The following DPH6 variants were observed in gnomAD, a reference collection of about 807,000 sequenced individuals.
DPH6 encodes diphthine--ammonia ligase.
Under a neutral mutation model 38.2 loss-of-function variants are expected in DPH6, and 33 were observed. The observed-to-expected ratio is 0.86, with a 90% CI of 0.65 to 1.15. DPH6 has a LOEUF of 1.15. Among genes scored for constraint, DPH6 ranks in the 50% most tolerant of loss-of-function variants. The pLI, the probability that DPH6 is intolerant of heterozygous loss-of-function variation, is 0.00. For synonymous variants in DPH6, 108 were observed against 103.0 expected (o/e 1.05, Z -0.30); for missense variants, 325 against 320.0 (o/e 1.02, Z -0.12).
At chr15:35,305,301 G>A (rs1201936374) in intron 3 of DPH6, among the ~76,000 whole-genome samples, 7 of 151,982 alleles carry the variant, frequency 4.6e-5, no homozygotes, top group African/African-American at 7.3e-5. Context: ...CTCACAAAGT[G>A]TTCAACATCA....
rs1001750003 is a variant in DPH6 at position 35,436,446 on chromosome 15, A to C, written c.505+14239T>G. ...GCGCCACTGCGCTCCAGCCTGGGAGACAGAGTGAGACTCCGTCTCAAACAA... is the reference window on the plus strand; with the variant it reads ...GCGCCACTGCGCTCCAGCCTGGGAGCCAGAGTGAGACTCCGTCTCAAACAA... On this transcript the variant is annotated intron_variant, in intron 5 of 8. Transcript: ENST00000256538. Among the ~76,000 whole-genome samples the C allele has an allele frequency of 2.0e-5, 3 of 146,902 alleles. No homozygotes were observed. In the Admixed American group the frequency reaches 2.1e-4, roughly 10 times the overall value.
intron 3 of DPH6, among the ~76,000 whole-genome samples, chr15:35,262,134 A>G (rs1359419990): frequency 6.6e-6 from 1 of 152,178 alleles, no homozygotes; most frequent in Non-Finnish European, 1.5e-5. Context: ...TCAAGATTCT[A>G]TGAGTCTATT....
chr15:35,521,390 A>G, intron 3 of DPH6: 1 of 1,072,718 alleles, frequency 9.3e-7, no homozygotes, highest in Non-Finnish European at 1.1e-6. Context: ...TATATCATCT[A>G]AAGAATCTGT....
chr15:35,448,760 T>C (rs1248997591), intron 5 of DPH6, among the ~76,000 whole-genome samples: 1 of 152,140 alleles, frequency 6.6e-6, no homozygotes, highest in Non-Finnish European at 1.5e-5. Flanking sequence ...CAGTCAATAA[T>C]ATGGATGAGT....
At chr15:35,160,636 T>C in the DPH6 span, among the ~76,000 whole-genome samples, 18 of 151,864 alleles carry the variant, frequency 1.2e-4, no homozygotes, top group Non-Finnish European at 2.7e-4. Context: ...CCCCCGGGTC[T>C]ATTCTTCCCA....
At chr15:35,486,665 C>G (rs903673627) in intron 3 of DPH6, among the ~76,000 whole-genome samples, 3 of 152,108 alleles carry the variant, frequency 2.0e-5, no homozygotes, top group African/African-American at 7.2e-5. Context: ...GGACACAGAG[C>G]CAAACAATAT....
chr15:35,296,009 T>C (rs1746459407), intron 3 of DPH6, among the ~76,000 whole-genome samples: 1 of 151,852 alleles, frequency 6.6e-6, no homozygotes, highest in Middle Eastern at 3.2e-3. Context: ...GCGCGATCTC[T>C]GTTCACTGCA....
chr15:35,542,690 G>A (rs1007310864), intron 1 of DPH6, among the ~76,000 whole-genome samples, 183 bp from the exon 2 acceptor site: 1 of 150,134 alleles, frequency 6.7e-6, no homozygotes, highest in Non-Finnish European at 1.5e-5. Flanking sequence ...AATGTCTAGG[G>A]CTGCTACTCA....
At chr15:35,465,919 A>G (rs1194438443) in intron 3 of DPH6, among the ~76,000 whole-genome samples, 3 of 152,218 alleles carry the variant, frequency 2.0e-5, no homozygotes, top group African/African-American at 7.2e-5. Flanking sequence ...CTAAGTCTCC[A>G]TCTTAGTTGC....
chr15:35,440,259 G>A (rs1295814923), intron 5 of DPH6, among the ~76,000 whole-genome samples: 1 of 152,162 alleles, frequency 6.6e-6, no homozygotes, highest in Non-Finnish European at 1.5e-5. Flanking sequence ...AAGACAAAGA[G>A]GGCTAACCAA....
rs1165939476 is a variant in DPH6 at position 35,496,567 on chromosome 15, A to AATATATATATATATATATATATATAT, written c.312+41706_312+41707insATATATATATATATATATATATATAT. On this transcript the variant is annotated intron_variant, in intron 3 of 8. Coordinates refer to ENST00000256538, the MANE Select transcript of DPH6 (RefSeq NM_080650.4). The stretch of plus-strand genomic sequence containing the variant: ...GAAAGTTCCATCTCAAAAAAAAAAA[A>AATATATATATATATATATATATATAT]ATATATATATATATATATATATATC... 4.8e-3 allele frequency among the ~76,000 whole-genome samples: 149 copies of AATATATATATATATATATATATATAT among 30,920 alleles called. 9 individuals carry two copies. Among genetic ancestry groups the AATATATATATATATATATATATATAT allele is most frequent in the Non-Finnish European group, 6.5e-3 (123 of 18,966 alleles). 20.3% of individuals were successfully genotyped at this position (30,920 alleles called of 152,430 possible).
At chr15:35,507,780 A>C (rs1180610220) in intron 3 of DPH6, among the ~76,000 whole-genome samples, 1 of 152,004 alleles carries the variant, frequency 6.6e-6, no homozygotes, top group East Asian at 1.9e-4. Flanking sequence ...AGACTGTCAT[A>C]CTCTGGTTGG....
At chr15:35,153,788 C>T in the DPH6 span, among the ~76,000 whole-genome samples, 2 of 152,206 alleles carry the variant, frequency 1.3e-5, no homozygotes, top group East Asian at 3.9e-4. Context: ...TTCAAGAGAG[C>T]CCCTCAAAAC....
intron 5 of DPH6, among the ~76,000 whole-genome samples, chr15:35,442,750 G>A (rs1484983663): frequency 6.6e-6 from 1 of 152,148 alleles, no homozygotes; most frequent in Non-Finnish European, 1.5e-5. Context: ...TATTCTAAGT[G>A]AAAGAAGCCA....
intron 5 of DPH6, among the ~76,000 whole-genome samples, chr15:35,434,362 T>C (rs1232194919): frequency 6.6e-6 from 1 of 151,998 alleles, no homozygotes; most frequent in East Asian, 1.9e-4. Flanking sequence ...ATAGAATGCA[T>C]TACTGCCAAA....
intron 6 of DPH6, among the ~76,000 whole-genome samples, chr15:35,392,451 T>G (rs1311220285): frequency 6.6e-6 from 1 of 151,690 alleles, no homozygotes; most frequent in Non-Finnish European, 1.5e-5. Flanking sequence ...ACCTTTCACC[T>G]CCACCTAGAG....
At chr15:35,182,411 G>A in the DPH6 span, among the ~76,000 whole-genome samples, 1 of 151,752 alleles carries the variant, frequency 6.6e-6, no homozygotes, top group African/African-American at 2.4e-5. Flanking sequence ...ATAGGTTTGT[G>A]AGCTTAATTA....
chr15:35,519,482 C>T (rs959381207), intron 3 of DPH6: 2 of 151,862 alleles, frequency 1.3e-5, no homozygotes, highest in South Asian at 2.1e-4. Context: ...CTCTGATGAA[C>T]GTCTGATAAA....
At chr15:35,354,357 C>T (rs1225476659) in intron 3 of DPH6, among the ~76,000 whole-genome samples, 1 of 152,104 alleles carries the variant, frequency 6.6e-6, no homozygotes, top group African/African-American at 2.4e-5. Flanking sequence ...CTGTCTTGTG[C>T]CAGTTTTCAA....
Sources: allele counts gnomAD v4.1 joint callset (sites outside exome capture counted in the v4.1 genomes callset), GRCh38; gene constraint gnomAD v4.1.1; transcripts MANE v1.5; gene names NCBI Gene and HGNC (gene_info 2026-07-23, HGNC 2026-07-21).